The following ZFP90 variants were observed in gnomAD, a reference collection of about 807,000 sequenced individuals.
ZFP90 encodes the protein ZFP90 zinc finger protein.
Under a neutral mutation model 60.8 loss-of-function variants are expected in ZFP90, and 38 were observed. That is an observed-to-expected ratio of 0.62 (90% CI 0.48 to 0.82). The LOEUF (loss-of-function observed/expected upper bound fraction) is 0.82. Ranked by LOEUF, ZFP90 falls within the 40% of genes least tolerant of loss-of-function variation. The pLI is 0.00. For missense variants in ZFP90, 711 were observed against 759.1 expected (o/e 0.94, Z 0.74); for synonymous variants, 287 against 264.8 (o/e 1.08, Z -0.82).
chr16:68,540,206 G>C (rs1028176466), intron 2 of ZFP90, among the ~76,000 whole-genome samples: 2 of 152,114 alleles, frequency 1.3e-5, no homozygotes. Context: ...GTGGAGAGAG[G>C]AGCCCCAGCT....
chr16:68,538,812 A>G (rs556403953), upstream of ZFP90, among the ~76,000 whole-genome samples: 2 of 152,272 alleles, frequency 1.3e-5, no homozygotes, highest in South Asian at 2.1e-4. Context: ...CTGCCTTTGC[A>G]CATTGCTCAG....
chr16:68,566,112 A>G lies in ZFP90; in HGVS notation c.*1414A>G. On this transcript the variant is annotated 3_prime_UTR_variant, in exon 5 of 5. Transcript: ENST00000563169. ...CACACTACTGCATTCCAGCCTGAGCAACAGAGCAAGACACACACACATCAA... is the reference window on the plus strand; with the variant it reads ...CACACTACTGCATTCCAGCCTGAGCGACAGAGCAAGACACACACACATCAA... 1 of 941,702 alleles carries G rather than the reference A, an allele frequency of 1.1e-6. No individual in the cohort carries two copies. The highest frequency in any genetic ancestry group is 1.2e-6 in the Non-Finnish European group (1 of 813,140). 58.3% of individuals were successfully genotyped at this position (941,702 alleles called of 1,614,324 possible). A position where few individuals can be genotyped will look rare whatever the true frequency, so the allele number is the denominator to read the frequency against.
chr16:68,575,586 G>A (rs2091590330), intron 2 of ZFP90, among the ~76,000 whole-genome samples: 1 of 151,008 alleles, frequency 6.6e-6, no homozygotes, highest in African/African-American at 2.4e-5. Context: ...TCAAAGGTGG[G>A]CATGACAGTG....
chr16:68,537,017 T>C (rs554837149), upstream of ZFP90, among the ~76,000 whole-genome samples: 41 of 152,304 alleles, frequency 2.7e-4, no homozygotes, highest in African/African-American at 9.4e-4. Flanking sequence ...TAGGCATCTA[T>C]CTGTTCCTAA....
upstream of ZFP90, among the ~76,000 whole-genome samples, chr16:68,538,927 CCCTT>C (rs1384028272): frequency 6.6e-6 from 1 of 152,204 alleles, no homozygotes; most frequent in African/African-American, 2.4e-5. Flanking sequence ...CTGTCTCACT[CCCTT>C]CCTGTGTCAC....
rs149346605 is a variant in ZFP90 at position 68,547,193 on chromosome 16, C to T, written c.33+7368C>T. On this transcript the variant is annotated intron_variant, in intron 2 of 4. Coordinates refer to ENST00000563169, the MANE Select transcript of ZFP90 (RefSeq NM_001305203.2). ...TTTTCCGGAACCACCATACTGTTTC[C>T]ATAGCAGCTGTATCTTTTTACATTC... Among the ~76,000 whole-genome samples the T allele has an allele frequency of 3.9e-3, 601 of 152,282 alleles. 4 individuals carry two copies. Among genetic ancestry groups the T allele is most frequent in the African/African-American group, 0.014 (573 of 41,538 alleles).
At chr16:68,574,766 A>C (rs1378263034) in intron 2 of ZFP90, among the ~76,000 whole-genome samples, 2 of 152,034 alleles carry the variant, frequency 1.3e-5, no homozygotes, top group Non-Finnish European at 2.9e-5. Flanking sequence ...CTCTAAAAAA[A>C]ATACAAAAAT....
At chr16:68,545,943 G>C (rs1158690229) in intron 2 of ZFP90, among the ~76,000 whole-genome samples, 1 of 152,352 alleles carries the variant, frequency 6.6e-6, no homozygotes, top group East Asian at 1.9e-4. Flanking sequence ...GGGAGGCCGA[G>C]ACAGGCGAAT....
intron 2 of ZFP90, among the ~76,000 whole-genome samples, chr16:68,572,179 CT>C (rs11434898): frequency 4.7e-5 from 7 of 149,628 alleles, no homozygotes; most frequent in South Asian, 2.1e-4. Flanking sequence ...CTGACAAACA[CT>C]TTTTTTTTTT....
At chr16:68,561,787 A>T (rs2091442680) in intron 4 of ZFP90, among the ~76,000 whole-genome samples, 1 of 152,196 alleles carries the variant, frequency 6.6e-6, no homozygotes. Flanking sequence ...AAAAATTACA[A>T]GGCATTCTCT....
chr16:68,566,538 T>C lies in ZFP90; in HGVS notation c.*1840T>C. Reference sequence around the variant, plus strand: ...ATTGTGCATGGGGGCTGAAATGTAATATGTGTAGCTCAATTAGTCTCTCCT... The same window carrying C: ...ATTGTGCATGGGGGCTGAAATGTAACATGTGTAGCTCAATTAGTCTCTCCT... On this transcript the variant is annotated 3_prime_UTR_variant, in exon 5 of 5. Transcript: ENST00000563169. 1 of 985,538 alleles carries C rather than the reference T, an allele frequency of 1.0e-6. No homozygotes were observed. The highest frequency in any genetic ancestry group is 1.2e-6 in the Non-Finnish European group (1 of 829,928). The allele number at this position is 985,538 out of a possible 1,614,324, so 61.0% of individuals were successfully genotyped here.
Position 68,564,325 on chromosome 16 carries a change from T to C in ZFP90, c.1538T>C (p.Ile513Thr). The change falls in exon 5 of 5, where the codon ATA becomes ACA. Residue 513 changes from isoleucine to threonine, a missense_variant. Physicochemically the swap from Ile to Thr is moderately conservative, Grantham distance 89. Around this residue, in one of 5 missense-constraint regions of ZFP90, gnomAD observed 295 missense variants for 274.0 expected, o/e 1.08. Coordinates refer to ENST00000563169, the MANE Select transcript of ZFP90 (RefSeq NM_001305203.2). ...GKAFKRSTSFIEHHRIHTGEK... is the reference protein window; with the variant it reads ...GKAFKRSTSFTEHHRIHTGEK... ...GCTTTCAAAAGGAGTACAAGTTTCA[T>C]AGAGCATCACAGAATTCATACTGGA... is the stretch of plus-strand genomic sequence containing the variant. The C allele has an allele frequency of 3.1e-6, 5 of 1,614,062 alleles. No homozygotes were observed. The highest frequency in any genetic ancestry group is 4.2e-6 in the Non-Finnish European group (5 of 1,179,992).
rs1414997662 is a variant in ZFP90 at position 68,563,894 on chromosome 16, G to A, written c.1107G>A (p.Lys369=). Reference sequence around the variant, plus strand: ...GTGGAGAGAAGCCCTTCCAGTGTAAGGAATGTGGGAAAGCCTTTAGTCGAT... The same window carrying A: ...GTGGAGAGAAGCCCTTCCAGTGTAAAGAATGTGGGAAAGCCTTTAGTCGAT... The part of the protein sequence containing the change: ...THSGEKPFQC[K]ECGKAFSRCS... The change falls in exon 5 of 5, where the codon AAG becomes AAA. Residue 369 remains lysine, a synonymous_variant. Coordinates refer to ENST00000563169, the MANE Select transcript of ZFP90 (RefSeq NM_001305203.2). 1 of 1,614,066 alleles carries A rather than the reference G, an allele frequency of 6.2e-7. No homozygotes were observed. Among genetic ancestry groups the A allele is most frequent in the Admixed American group, 1.7e-5 (1 of 59,998 alleles).
chr16:68,539,501 C>T, intron 1 of ZFP90, 22 bp downstream of exon 1: 2 of 465,838 alleles, frequency 4.3e-6, no homozygotes, highest in Non-Finnish European at 7.6e-6. Flanking sequence ...TGGGCGGGAC[C>T]CCTCCTGGGT....
At chr16:68,542,972 G>A (rs554732384) in intron 2 of ZFP90, among the ~76,000 whole-genome samples, 13 of 152,280 alleles carry the variant, frequency 8.5e-5, no homozygotes, top group African/African-American at 2.9e-4. Flanking sequence ...TGGTATCCTA[G>A]AAGGCAGTAG....
chr16:68,567,203 A>G, downstream of ZFP90: 1 of 974,122 alleles, frequency 1.0e-6, no homozygotes, highest in Non-Finnish European at 1.2e-6. Flanking sequence ...AAGAGGGAGG[A>G]ATTAACTGCT....
At chr16:68,561,315 T>C (rs1336800485) in intron 4 of ZFP90, among the ~76,000 whole-genome samples, 1 of 152,236 alleles carries the variant, frequency 6.6e-6, no homozygotes. Context: ...ATTATCCTTC[T>C]ATTCCTGCTA....
At chr16:68,538,107 T>A (rs1009224834), upstream of ZFP90, among the ~76,000 whole-genome samples, 3 of 152,058 alleles carry the variant, frequency 2.0e-5, no homozygotes, top group African/African-American at 7.2e-5. Context: ...AGACGAGCTA[T>A]CTCCATGTTG....
At position 68,566,122 on chromosome 16, in the gene ZFP90, GAC is replaced by G. The variant is rs36048265; in HGVS notation, c.*1434_*1435del. ...CATTCCAGCCTGAGCAACAGAGCAA[GAC>G]ACACACACATCAATTTATTTTAGTT... On this transcript the variant is annotated 3_prime_UTR_variant, in exon 5 of 5. Transcript: ENST00000563169. 2.1e-5 allele frequency: 20 copies of G among 971,520 alleles called. No homozygotes were observed. Among genetic ancestry groups the G allele is most frequent in the East Asian group, 1.1e-4 (1 of 8,838 alleles). 60.2% of individuals were successfully genotyped at this position (971,520 alleles called of 1,614,324 possible).
Sources: allele counts gnomAD v4.1 joint callset (sites outside exome capture counted in the v4.1 genomes callset), GRCh38; gene constraint gnomAD v4.1.1; regional missense constraint gnomAD v4.1.1; transcripts MANE v1.5; gene names NCBI Gene and HGNC (gene_info 2026-07-23, HGNC 2026-07-21).